The following MITF variants were observed in gnomAD, a reference collection of about 807,000 sequenced individuals.
MITF encodes melanocyte inducing transcription factor.
A neutral mutation model predicts 60.5 loss-of-function variants in MITF; 17 were observed. That is an observed-to-expected ratio of 0.28 (90% CI 0.19 to 0.42). The LOEUF is 0.42. MITF is among the 10% of genes least tolerant of loss of function. The probability of loss-of-function intolerance (pLI) is 1.00; values close to 1 mark genes in which losing one functional copy is unlikely to be tolerated. For synonymous variants in MITF, 260 were observed against 248.5 expected (o/e 1.05, Z -0.43); for missense variants, 622 against 683.5 (o/e 0.91, Z 1.00).
chr3:69,774,160 A>T (rs2062437588), intron 1 of MITF, among the ~76,000 whole-genome samples: 1 of 152,198 alleles, frequency 6.6e-6, no homozygotes, highest in South Asian at 2.1e-4. Context: ...TATTTTCAAC[A>T]ACCAGTTAGA....
chr3:69,868,393 ATT>A (rs1428500881), intron 1 of MITF, among the ~76,000 whole-genome samples: 1 of 152,114 alleles, frequency 6.6e-6, no homozygotes, highest in African/African-American at 2.4e-5. Context: ...GCTTAATGCT[ATT>A]ATCTGTTGTG....
At chr3:69,796,380 AT>A (rs1216355237) in intron 1 of MITF, among the ~76,000 whole-genome samples, 7 of 148,860 alleles carry the variant, frequency 4.7e-5, no homozygotes, top group East Asian at 3.9e-4. Context: ...ATCTGAAAGG[AT>A]TTTTTTTTCT....
Position 69,965,118 on chromosome 3 carries a change from T to C in MITF, c.1451T>C (p.Ile484Thr), listed in dbSNP as rs2066655633. 2 of 1,613,946 alleles carry C rather than the reference T, an allele frequency of 1.2e-6. No individual in the cohort carries two copies. The highest frequency in any genetic ancestry group is 1.1e-5 in the South Asian group (1 of 91,082). ...AAAATGGGATCCAAACTGGAAGACA[T>C]CCTGATGGACGACACCCTTTCTCCC... Reference protein sequence around the residue: ...PTKMGSKLEDILMDDTLSPVG... With the variant: ...PTKMGSKLEDTLMDDTLSPVG... Residue 484 changes from isoleucine to threonine, a missense_variant, in exon 10 of 10, where the codon ATC (isoleucine) becomes ACC (threonine). Coordinates refer to ENST00000352241, the MANE Select transcript of MITF (RefSeq NM_001354604.2).
At chr3:69,865,427 C>T (rs1406845377) in intron 1 of MITF, among the ~76,000 whole-genome samples, 2 of 152,076 alleles carry the variant, frequency 1.3e-5, no homozygotes, top group African/African-American at 4.8e-5. Flanking sequence ...TGTGCTGAGT[C>T]CTGTAGGAGC....
In MITF at chr3:69,965,131, C is replaced by T. The variant is rs755208148; in HGVS notation, c.1464C>T (p.Asp488=). 6.2e-6 allele frequency: 10 copies of T among 1,614,036 alleles called. No homozygotes were observed. Among genetic ancestry groups the T allele is most frequent in the African/African-American group, 1.3e-5 (1 of 74,936 alleles). The change falls in exon 10 of 10, where the codon GAC becomes GAT. Residue 488 remains aspartate (D), a synonymous_variant. Coordinates refer to ENST00000352241, the MANE Select transcript of MITF (RefSeq NM_001354604.2). ...AACTGGAAGACATCCTGATGGACGA[C>T]ACCCTTTCTCCCGTCGGTGTCACTG... is the stretch of plus-strand genomic sequence containing the variant. The part of the protein sequence containing the change: ...GSKLEDILMD[D]TLSPVGVTDP...
chr3:69,754,208 GT>G (rs1559609960), intron 1 of MITF, among the ~76,000 whole-genome samples: 3 of 151,314 alleles, frequency 2.0e-5, no homozygotes, highest in African/African-American at 7.3e-5. Context: ...ACCCCTGTTA[GT>G]CTCTCTCTCT....
chr3:69,814,149 C>T (rs1465362647), intron 1 of MITF, among the ~76,000 whole-genome samples: 1 of 152,002 alleles, frequency 6.6e-6, no homozygotes, highest in Non-Finnish European at 1.5e-5. Flanking sequence ...CAACTCTCTG[C>T]CACTGCGGTA....
intron 1 of MITF, among the ~76,000 whole-genome samples, chr3:69,803,394 G>C (rs769526135): frequency 6.6e-6 from 1 of 152,124 alleles, no homozygotes; most frequent in African/African-American, 2.4e-5. Flanking sequence ...TTCAGAAACA[G>C]GGGCTGTATT....
chr3:69,961,337 G>A (rs530603333), intron 9 of MITF, among the ~76,000 whole-genome samples: 4 of 151,108 alleles, frequency 2.6e-5, no homozygotes, highest in South Asian at 2.1e-4. Context: ...AGCCAAGATC[G>A]CGCCACTGCA....
chr3:69,933,199 TAATA>T (rs1011912861), intron 2 of MITF, among the ~76,000 whole-genome samples: 3 of 151,862 alleles, frequency 2.0e-5, no homozygotes, highest in Admixed American at 6.6e-5. Context: ...TCTAAAAATA[TAATA>T]AATAAATAAA....
At chr3:69,758,531 G>A (rs939826870) in intron 1 of MITF, among the ~76,000 whole-genome samples, 1 of 152,046 alleles carries the variant, frequency 6.6e-6, no homozygotes, top group Non-Finnish European at 1.5e-5. Flanking sequence ...TTTTTTAAAA[G>A]GCTTTATTTT....
At chr3:69,739,925 G>T (rs1703466425) in intron 1 of MITF, among the ~76,000 whole-genome samples, 1 of 152,142 alleles carries the variant, frequency 6.6e-6, no homozygotes, top group Non-Finnish European at 1.5e-5. Context: ...GGGCGCGGCG[G>T]GTCGCCGGGG....
chr3:69,868,627 G>A (rs1001267316), intron 1 of MITF, among the ~76,000 whole-genome samples: 25 of 152,062 alleles, frequency 1.6e-4, no homozygotes, highest in Non-Finnish European at 1.6e-4. Context: ...TTGGCTGGGC[G>A]CGGTGGCTCA....
At chr3:69,921,699 G>A (rs559469091) in intron 2 of MITF, among the ~76,000 whole-genome samples, 3 of 152,190 alleles carry the variant, frequency 2.0e-5, no homozygotes, top group South Asian at 2.1e-4. Flanking sequence ...TAAGAAGGAA[G>A]CATGTCAATA....
chr3:69,755,038 C>G (rs1351964917), intron 1 of MITF, among the ~76,000 whole-genome samples: 2 of 152,118 alleles, frequency 1.3e-5, no homozygotes, highest in African/African-American at 4.8e-5. Flanking sequence ...TGATACAGGT[C>G]AAATAGTGGT....
At chr3:69,868,715 A>G (rs920070306) in intron 1 of MITF, among the ~76,000 whole-genome samples, 1 of 152,108 alleles carries the variant, frequency 6.6e-6, no homozygotes, top group Admixed American at 6.5e-5. Context: ...CCTGGCCAAC[A>G]TGATGAAATC....
intron 1 of MITF, among the ~76,000 whole-genome samples, chr3:69,861,708 C>T (rs756690607): frequency 2.6e-4 from 40 of 152,122 alleles, no homozygotes; most frequent in Admixed American, 1.4e-3. Flanking sequence ...TTCCCCATGG[C>T]GCTGAGAACA....
intron 2 of MITF, among the ~76,000 whole-genome samples, chr3:69,879,663 A>G (rs1335237494): frequency 6.6e-6 from 1 of 152,222 alleles, no homozygotes. Context: ...TTTCTTTGGG[A>G]AAGTTTCAAA....
chr3:69,885,888 A>G (rs2064603629), intron 2 of MITF, among the ~76,000 whole-genome samples: 2 of 152,124 alleles, frequency 1.3e-5, no homozygotes, highest in African/African-American at 2.4e-5. Context: ...TATGAGAACA[A>G]TCATGATCAG....
Sources: gnomAD v4.1 joint callset for allele counts (sites outside exome capture counted in the v4.1 genomes callset) on GRCh38, gnomAD v4.1.1 for gene constraint, MANE v1.5 for transcripts, NCBI Gene and HGNC (gene_info 2026-07-23, HGNC 2026-07-21) for gene names.